The following TMEM87A variants were observed in gnomAD, a reference collection of about 807,000 sequenced individuals.
TMEM87A encodes Golgi-pH regulating cation channel.
In TMEM87A, 50 loss-of-function variants were observed where a neutral mutation model predicts 90.0. The observed-to-expected ratio is 0.56, with a 90% CI of 0.44 to 0.70. The LOEUF is 0.70. Ranked by LOEUF, TMEM87A falls within the 30% of genes least tolerant of loss-of-function variation. The pLI is 0.00. For synonymous variants in TMEM87A, 226 were observed against 226.7 expected (o/e 1.00, Z 0.03); for missense variants, 577 against 660.5 (o/e 0.87, Z 1.39).
rs140705842 is a variant in TMEM87A, at chr15:42,254,677, A to G, written c.504+6281T>C. 2.5e-3 allele frequency among the ~76,000 whole-genome samples: 383 copies of G among 152,348 alleles called. 3 individuals are homozygous for G. Among genetic ancestry groups the G allele is most frequent in the African/African-American group, 7.8e-3 (326 of 41,586 alleles). On this transcript the variant is annotated intron_variant, in intron 6 of 19. Coordinates refer to ENST00000389834, the MANE Select transcript of TMEM87A (RefSeq NM_015497.5). ...GCAAAACTATGAAGATAGTAAAAAG[A>G]TCAATGATTGCCAGGAGTTGAAGGG...
At chr15:42,231,630 CT>C (rs912564187) in intron 11 of TMEM87A, among the ~76,000 whole-genome samples, 1 of 152,010 alleles carries the variant, frequency 6.6e-6, no homozygotes, top group Admixed American at 6.5e-5. Context: ...TCTGAAAAGA[CT>C]TTTCTCGTAT....
At chr15:42,218,302 G>T in intron 18 of TMEM87A, 21 bp downstream of exon 18, 1 of 1,611,418 alleles carries the variant, frequency 6.2e-7, no homozygotes, top group Non-Finnish European at 8.5e-7. Context: ...GGATTCTTGT[G>T]GTAATCATTC....
intron 19 of TMEM87A, among the ~76,000 whole-genome samples, chr15:42,213,255 G>T (rs969502039): frequency 6.6e-6 from 1 of 152,214 alleles, no homozygotes; most frequent in African/African-American, 2.4e-5. Flanking sequence ...TTTCTGTCTT[G>T]CCTGAGTCCG....
chr15:42,236,093 CTTGGAAGTATGGAATATAT>C (rs1309332481), intron 10 of TMEM87A, among the ~76,000 whole-genome samples: 140 of 152,108 alleles, frequency 9.2e-4, no homozygotes, highest in Admixed American at 3.3e-3. Context: ...TACATTTGGA[CTTGGAAGTATGGAATATAT>C]TTGGAAGTAT....
chr15:42,220,221 G>A (rs1159890403), intron 15 of TMEM87A, 86 bp from the exon 16 acceptor site: 1 of 914,828 alleles, frequency 1.1e-6, no homozygotes, highest in Non-Finnish European at 1.7e-6. Context: ...ACTAATTATT[G>A]AAACTGCAAT....
At chr15:42,270,259 A>C (rs1458499385) in intron 2 of TMEM87A, among the ~76,000 whole-genome samples, 1 of 151,906 alleles carries the variant, frequency 6.6e-6, no homozygotes, top group Non-Finnish European at 1.5e-5. Context: ...AGTCCCAGCT[A>C]CTCGGGAGGC....
intron 3 of TMEM87A, among the ~76,000 whole-genome samples, chr15:42,266,471 G>A (rs1023618710): frequency 1.3e-4 from 20 of 150,968 alleles, no homozygotes; most frequent in South Asian, 2.1e-4. Flanking sequence ...AGCTGAGATC[G>A]CGCCACTGCA....
chr15:42,269,077 A>G (rs2051461757), intron 2 of TMEM87A, among the ~76,000 whole-genome samples: 1 of 152,220 alleles, frequency 6.6e-6, no homozygotes, highest in African/African-American at 2.4e-5. Context: ...TGGAAGCTTC[A>G]TAAAGCTCAT....
intron 9 of TMEM87A, among the ~76,000 whole-genome samples, chr15:42,236,949 A>T (rs1410827147): frequency 6.6e-6 from 1 of 152,244 alleles, no homozygotes; most frequent in African/African-American, 2.4e-5. Flanking sequence ...AAACTACAGT[A>T]TAAAACAACT....
intron 11 of TMEM87A, 57 bp downstream of exon 11, chr15:42,233,155 CA>C: frequency 7.0e-7 from 1 of 1,436,908 alleles, no homozygotes; most frequent in Non-Finnish European, 9.8e-7. Flanking sequence ...TCCACACTGT[CA>C]AGATGTAAAC....
intron 6 of TMEM87A, among the ~76,000 whole-genome samples, chr15:42,254,991 G>A (rs1476901012): frequency 6.9e-6 from 1 of 144,292 alleles, no homozygotes; most frequent in South Asian, 2.2e-4. Flanking sequence ...TTGAGACAGA[G>A]TCTTGCTTTA....
chr15:42,269,903 T>G (rs2051482013), intron 2 of TMEM87A, among the ~76,000 whole-genome samples: 1 of 115,306 alleles, frequency 8.7e-6, no homozygotes, highest in Non-Finnish European at 1.6e-5. Context: ...GCCACTGCAA[T>G]CCGCAGTCCG....
chr15:42,247,133 G>C (rs906537424), intron 6 of TMEM87A, among the ~76,000 whole-genome samples: 1 of 152,162 alleles, frequency 6.6e-6, no homozygotes, highest in Non-Finnish European at 1.5e-5. Flanking sequence ...TCCACTTTTT[G>C]ATGGGGTTGA....
intron 3 of TMEM87A, among the ~76,000 whole-genome samples, chr15:42,267,611 C>G (rs1324576730): frequency 6.6e-6 from 1 of 152,124 alleles, no homozygotes; most frequent in African/African-American, 2.4e-5. Flanking sequence ...GTGTGGTTTT[C>G]TGGGAAAAAC....
chr15:42,268,443 G>A (rs903682417), intron 2 of TMEM87A, among the ~76,000 whole-genome samples: 1 of 152,158 alleles, frequency 6.6e-6, no homozygotes, highest in African/African-American at 2.4e-5. Flanking sequence ...CAAGGCAGGG[G>A]GATCGCTTGA....
intron 7 of TMEM87A, among the ~76,000 whole-genome samples, chr15:42,242,202 C>A (rs1026020430): frequency 6.6e-6 from 1 of 152,016 alleles, no homozygotes; most frequent in Admixed American, 6.6e-5. Context: ...TCATGTTGGG[C>A]TCTTGGGCCA....
chr15:42,273,107 T>G (rs2051582279), intron 1 of TMEM87A, 148 bp downstream of exon 1: 6 of 957,918 alleles, frequency 6.3e-6, no homozygotes, highest in Non-Finnish European at 9.3e-6. Context: ...TCCAGGGAGG[T>G]GGGTCCCAGT....
chr15:42,269,799 G>A (rs546984131), intron 2 of TMEM87A, among the ~76,000 whole-genome samples: 6 of 147,752 alleles, frequency 4.1e-5, no homozygotes, highest in South Asian at 2.2e-4. Context: ...AGCCGGGCGC[G>A]GTGGCGGGCG....
chr15:42,268,020 G>C lies in TMEM87A; in HGVS notation c.218C>G (p.Pro73Arg). Residue 73 changes from proline to arginine, a missense_variant, in exon 3 of 20, where the codon CCT becomes CGT. By Grantham distance (103) the Pro-to-Arg change is moderately radical. Transcript: ENST00000389834. The part of the protein sequence containing the change: ...TTIFLKFDGE[P>R]CDLSLNITWY... ...GGTTATATTCAAAGACAGGTCACAA[G>C]GTTCTCCATCAACTACAAAAGAAGA... is the stretch of plus-strand genomic sequence containing the variant. 1 of 1,612,252 alleles carries C rather than the reference G, an allele frequency of 6.2e-7. No homozygotes were observed. The highest frequency in any genetic ancestry group is 8.5e-7 in the Non-Finnish European group (1 of 1,179,112).
Sources: gnomAD v4.1 joint callset for allele counts (sites outside exome capture counted in the v4.1 genomes callset) on GRCh38, gnomAD v4.1.1 for gene constraint, MANE v1.5 for transcripts, NCBI Gene and HGNC (gene_info 2026-07-23, HGNC 2026-07-21) for gene names.